KCNK2: variants seen among roughly 807,000 people sequenced by gnomAD.
The protein encoded by KCNK2 is potassium two pore domain channel subfamily K member 2.
KCNK2 carries 21 observed loss-of-function variants against 40.5 expected under a neutral mutation model. The observed-to-expected ratio is 0.52, with a 90% CI of 0.37 to 0.75. The LOEUF (loss-of-function observed/expected upper bound fraction) is 0.75, where lower values mean the gene tolerates loss of function less well. Among genes scored for constraint, KCNK2 ranks in the 30% least tolerant of loss-of-function variants. The pLI is 0.00. For synonymous variants in KCNK2, 191 were observed against 202.2 expected (o/e 0.94, Z 0.47); for missense variants, 399 against 531.6 (o/e 0.75, Z 2.45).
At chr1:215,015,363 G>A (rs1399981144) in intron 1 of KCNK2, among the ~76,000 whole-genome samples, 1 of 151,942 alleles carries the variant, frequency 6.6e-6, no homozygotes, top group African/African-American at 2.4e-5. Context: ...GTGATTTTTG[G>A]TAACCCCAGA....
At chr1:215,184,669 C>G (rs1473503014) in intron 5 of KCNK2, among the ~76,000 whole-genome samples, 2 of 152,148 alleles carry the variant, frequency 1.3e-5, no homozygotes, top group Non-Finnish European at 2.9e-5. Context: ...TTCATGAGAA[C>G]TTACTCACTA....
intron 1 of KCNK2, among the ~76,000 whole-genome samples, chr1:215,074,427 T>C (rs1469821019): frequency 6.6e-6 from 1 of 152,250 alleles, no homozygotes; most frequent in Non-Finnish European, 1.5e-5. Context: ...ATTCCATTTA[T>C]GTCTTGTGAA....
chr1:215,023,165 T>G (rs1656868418), intron 1 of KCNK2, among the ~76,000 whole-genome samples: 1 of 152,218 alleles, frequency 6.6e-6, no homozygotes, highest in Non-Finnish European at 1.5e-5. Context: ...TTCCAAAAAA[T>G]CCCTTCTTGC....
chr1:215,030,196 T>C (rs1657136787), intron 1 of KCNK2, among the ~76,000 whole-genome samples: 1 of 152,258 alleles, frequency 6.6e-6, no homozygotes, highest in Non-Finnish European at 1.5e-5. Context: ...GTCATTTGTG[T>C]ATCTTCTCTG....
chr1:215,146,441 C>CT (rs1216567817), intron 3 of KCNK2, among the ~76,000 whole-genome samples: 1 of 152,096 alleles, frequency 6.6e-6, no homozygotes, highest in Non-Finnish European at 1.5e-5. Flanking sequence ...GCAAGGGAGC[C>CT]ATCTTGTGAA....
chr1:215,138,938 C>T (rs1489409093), intron 3 of KCNK2, among the ~76,000 whole-genome samples: 3 of 152,108 alleles, frequency 2.0e-5, no homozygotes, highest in Non-Finnish European at 1.5e-5. Context: ...ATCAAGGCAA[C>T]TTAAGATAGG....
chr1:215,219,385 G>A (rs1012194366), intron 6 of KCNK2, among the ~76,000 whole-genome samples: 1 of 152,112 alleles, frequency 6.6e-6, no homozygotes, highest in Non-Finnish European at 1.5e-5. Flanking sequence ...TTCATTTTAG[G>A]TTAAATAGTT....
At chr1:215,090,053 C>T (rs1166347456) in intron 2 of KCNK2, among the ~76,000 whole-genome samples, 14 of 151,800 alleles carry the variant, frequency 9.2e-5, no homozygotes, top group African/African-American at 3.1e-4. Context: ...CTCGAACTCC[C>T]GACCTCAGGT....
intron 1 of KCNK2, among the ~76,000 whole-genome samples, chr1:215,012,927 G>A (rs1415791907): frequency 6.6e-6 from 1 of 151,924 alleles, no homozygotes; most frequent in Non-Finnish European, 1.5e-5. Flanking sequence ...TACTCTTGCT[G>A]TCATAGTTAA....
At chr1:215,055,507 AC>A (rs1658128143) in intron 1 of KCNK2, among the ~76,000 whole-genome samples, 1 of 152,204 alleles carries the variant, frequency 6.6e-6, no homozygotes, top group Non-Finnish European at 1.5e-5. Flanking sequence ...AAGGAAAGGA[AC>A]CTGCTTTTCT....
chr1:215,204,465 G>C (rs1426259888), intron 6 of KCNK2, among the ~76,000 whole-genome samples: 2 of 151,678 alleles, frequency 1.3e-5, no homozygotes, highest in Non-Finnish European at 2.9e-5. Context: ...ATTTTCTTTA[G>C]CTAGAGAGCA....
intron 6 of KCNK2, among the ~76,000 whole-genome samples, chr1:215,234,228 A>G (rs1424889120): frequency 6.6e-6 from 1 of 152,182 alleles, no homozygotes; most frequent in Non-Finnish European, 1.5e-5. Flanking sequence ...GAAACAAAAT[A>G]TTTTGTTGCT....
intron 1 of KCNK2, among the ~76,000 whole-genome samples, chr1:215,012,640 T>A (rs918503318): frequency 7.7e-6 from 1 of 130,114 alleles, no homozygotes; most frequent in Non-Finnish European, 1.6e-5. Context: ...CCCAGCTAAT[T>A]TTTTAGTTTT....
At chr1:215,013,008 T>C (rs1165634692) in intron 1 of KCNK2, among the ~76,000 whole-genome samples, 2 of 152,236 alleles carry the variant, frequency 1.3e-5, no homozygotes, top group Non-Finnish European at 2.9e-5. Flanking sequence ...TTTGTACTTT[T>C]ATGTTTTACA....
At chr1:215,213,799 T>A (rs1665840951) in intron 6 of KCNK2, among the ~76,000 whole-genome samples, 1 of 152,120 alleles carries the variant, frequency 6.6e-6, no homozygotes, top group South Asian at 2.1e-4. Context: ...CCTTGCCAAA[T>A]CAACCCAAGG....
chr1:215,166,150 T>C (rs1457130356), intron 3 of KCNK2, among the ~76,000 whole-genome samples: 1 of 152,078 alleles, frequency 6.6e-6, no homozygotes, highest in African/African-American at 2.4e-5. Flanking sequence ...AAAAGTTGCA[T>C]TGAGATGACA....
chr1:215,065,224 T>C (rs1169614717), intron 1 of KCNK2, among the ~76,000 whole-genome samples: 1 of 152,206 alleles, frequency 6.6e-6, no homozygotes. Context: ...GTAGAAGCCC[T>C]GAGATAAATC....
chr1:215,082,044 A>C (rs1023746982), upstream of KCNK2: 3 of 152,100 alleles, frequency 2.0e-5, no homozygotes, highest in Admixed American at 2.0e-4. Flanking sequence ...CCGCGCTTAG[A>C]AACCTATGTT....
Position 215,233,142 on chromosome 1 carries a change from A to C in KCNK2, c.964-1686A>C, listed in dbSNP as rs185508564. 5.4e-4 allele frequency among the ~76,000 whole-genome samples: 82 copies of C among 152,206 alleles called. 1 individual carries two copies. Among genetic ancestry groups the C allele is most frequent in the African/African-American group, 1.8e-3 (76 of 41,540 alleles). ...CCAGGATAAATTCCTGTAGATTTGC[A>C]CCTCTTTCCCAGCAAGCTTCCCCTA... On this transcript the variant is annotated intron_variant, in intron 6 of 6. Transcript: ENST00000444842.
Sources: gnomAD v4.1 joint callset for allele counts (sites outside exome capture counted in the v4.1 genomes callset) on GRCh38, gnomAD v4.1.1 for gene constraint, MANE v1.5 for transcripts, NCBI Gene and HGNC (gene_info 2026-07-23, HGNC 2026-07-21) for gene names.